Variants in TRHDE observed in about 807,000 individuals in gnomAD.
TRHDE encodes the protein thyrotropin releasing hormone degrading enzyme.
In TRHDE, 72 loss-of-function variants were observed where a neutral mutation model predicts 125.7. The ratio of observed to expected loss-of-function variants is 0.57; its 90% CI spans 0.47 to 0.70. The LOEUF is 0.70. TRHDE is among the 30% of genes least tolerant of loss of function. The pLI is 0.00. For missense variants in TRHDE, 1,110 were observed against 1,327.1 expected, an observed-to-expected ratio of 0.84 and a Z score of 2.54; for synonymous variants, 509 against 509.1, an observed-to-expected ratio of 1.00 and a Z score of 0.00.
chr12:72,550,911 A>G lies in TRHDE; in HGVS notation c.1788+8555A>G, dbSNP rs187096400. ...ATTTAGCAAGTAAAAAACTTTTTCC[A>G]TTATTTCAGTGTATACATTATATCA... is the stretch of plus-strand genomic sequence containing the variant. On this transcript the variant is annotated intron_variant, in intron 7 of 18. Transcript: ENST00000261180. Among the ~76,000 whole-genome samples the G allele has an allele frequency of 3.2e-4, 49 of 152,030 alleles. 1 individual carries two copies. In the East Asian group the frequency reaches 8.5e-3, roughly 26 times the overall value.
intron 3 of TRHDE, among the ~76,000 whole-genome samples, chr12:72,411,931 ATAAAAT>A: frequency 6.6e-6 from 1 of 152,310 alleles, no homozygotes; most frequent in South Asian, 2.1e-4. Flanking sequence ...TCAAACTGAA[ATAAAAT>A]TAAAGTTGAC....
chr12:72,364,828 T>A (rs1198691642), intron 2 of TRHDE, among the ~76,000 whole-genome samples: 1 of 152,116 alleles, frequency 6.6e-6, no homozygotes, highest in Non-Finnish European at 1.5e-5. Context: ...TCAGCCCCTC[T>A]ATTTACAAAT....
At chr12:72,297,575 C>A (rs999530725) in intron 2 of TRHDE, among the ~76,000 whole-genome samples, 1 of 152,088 alleles carries the variant, frequency 6.6e-6, no homozygotes, top group Non-Finnish European at 1.5e-5. Context: ...GCTTCAGATT[C>A]ATGAAAAAAG....
At chr12:72,438,407 A>C (rs1874842574) in intron 3 of TRHDE, among the ~76,000 whole-genome samples, 1 of 151,670 alleles carries the variant, frequency 6.6e-6, no homozygotes, top group Non-Finnish European at 1.5e-5. Context: ...ATGTGCAAGG[A>C]TTCCCTTTTC....
At chr12:72,550,798 G>A (rs1869639302) in intron 7 of TRHDE, among the ~76,000 whole-genome samples, 1 of 151,746 alleles carries the variant, frequency 6.6e-6, no homozygotes, top group African/African-American at 2.4e-5. Flanking sequence ...TTAAACTAGT[G>A]TATAATGCTA....
chr12:72,147,179 T>C (rs1241594717), intron 2 of TRHDE, among the ~76,000 whole-genome samples: 2 of 152,140 alleles, frequency 1.3e-5, no homozygotes, highest in Non-Finnish European at 2.9e-5. Flanking sequence ...GAAATGCCTG[T>C]TCTCATTTAG....
At chr12:72,588,795 A>G (rs959079016) in intron 12 of TRHDE, among the ~76,000 whole-genome samples, 2 of 152,162 alleles carry the variant, frequency 1.3e-5, no homozygotes, top group African/African-American at 2.4e-5. Flanking sequence ...GAGACTGGGT[A>G]ACTTATAAAG....
chr12:72,482,959 A>AC (rs34443939), intron 5 of TRHDE, among the ~76,000 whole-genome samples: 61,092 of 151,774 alleles, frequency 0.4, 15,359 homozygotes, highest in African/African-American at 0.7. Flanking sequence ...CATATAACTT[A>AC]CAGGCCTAAA....
At chr12:72,537,620 G>A (rs945791072) in intron 6 of TRHDE, among the ~76,000 whole-genome samples, 2 of 151,994 alleles carry the variant, frequency 1.3e-5, no homozygotes, top group Non-Finnish European at 2.9e-5. Context: ...GAACGGACTA[G>A]TACAACTTAC....
intron 2 of TRHDE, among the ~76,000 whole-genome samples, chr12:72,242,996 G>C (rs1279289377): frequency 6.6e-6 from 1 of 152,214 alleles, no homozygotes; most frequent in Non-Finnish European, 1.5e-5. Context: ...ACTACTAGGA[G>C]AGACACACAA....
chr12:72,512,519 A>AAC (rs1286048164), intron 6 of TRHDE, among the ~76,000 whole-genome samples: 2 of 138,380 alleles, frequency 1.4e-5, no homozygotes, highest in East Asian at 4.0e-4. Flanking sequence ...ATTATATTAT[A>AAC]TATAATATAT....
intron 15 of TRHDE, among the ~76,000 whole-genome samples, chr12:72,634,228 T>C (rs1375681605): frequency 1.3e-5 from 2 of 152,070 alleles, no homozygotes; most frequent in Non-Finnish European, 2.9e-5. Flanking sequence ...CTATTCACAG[T>C]GGCTTCATTA....
At chr12:72,304,615 A>G (rs762703674) in intron 2 of TRHDE, among the ~76,000 whole-genome samples, 3 of 152,186 alleles carry the variant, frequency 2.0e-5, no homozygotes, top group Non-Finnish European at 4.4e-5. Flanking sequence ...GACACAGTCA[A>G]ACAACTGTCT....
intron 6 of TRHDE, among the ~76,000 whole-genome samples, chr12:72,514,832 C>T (rs1431897847): frequency 1.8e-4 from 24 of 133,142 alleles, no homozygotes; most frequent in Admixed American, 6.4e-4. Context: ...GTTCCCCTTC[C>T]TGTGTCCATG....
chr12:72,318,833 A>G (rs1436046797), intron 2 of TRHDE, among the ~76,000 whole-genome samples: 3 of 152,178 alleles, frequency 2.0e-5, no homozygotes, highest in South Asian at 2.1e-4. Flanking sequence ...ATCTCAATCA[A>G]TAAGTGCTAT....
intron 2 of TRHDE, among the ~76,000 whole-genome samples, chr12:72,193,902 T>C (rs964593100): frequency 6.6e-6 from 1 of 152,134 alleles, no homozygotes. Context: ...GTAGCTTACA[T>C]GTAACATCTC....
intron 15 of TRHDE, among the ~76,000 whole-genome samples, chr12:72,638,297 G>T (rs1873859979): frequency 6.6e-6 from 1 of 151,492 alleles, no homozygotes; most frequent in Admixed American, 6.6e-5. Flanking sequence ...TTGGTTGAAA[G>T]TCTGTTTTAT....
At chr12:72,121,963 C>A (rs1490507931) in intron 2 of TRHDE, among the ~76,000 whole-genome samples, 2 of 151,928 alleles carry the variant, frequency 1.3e-5, no homozygotes, top group East Asian at 3.9e-4. Flanking sequence ...TCTGTGCCTC[C>A]CCTCCTTTTC....
chr12:72,551,281 G>A (rs966289312), intron 7 of TRHDE, among the ~76,000 whole-genome samples: 2 of 151,960 alleles, frequency 1.3e-5, no homozygotes, highest in Admixed American at 1.3e-4. Flanking sequence ...CTGTATTTTT[G>A]TTTATGGAAG....
Sources: allele counts gnomAD v4.1 joint callset (sites outside exome capture counted in the v4.1 genomes callset), GRCh38; gene constraint gnomAD v4.1.1; transcripts MANE v1.5; gene names NCBI Gene and HGNC (gene_info 2026-07-23, HGNC 2026-07-21).